SLC8A1: variants seen among roughly 807,000 people sequenced by gnomAD.
SLC8A1 encodes sodium/calcium exchanger 1.
A neutral mutation model predicts 68.3 loss-of-function variants in SLC8A1; 18 were observed. The observed-to-expected ratio is 0.26, with a 90% CI of 0.18 to 0.39. SLC8A1 has a LOEUF of 0.39. Ranked by LOEUF, SLC8A1 falls within the 10% of genes least tolerant of loss-of-function variation. The probability of loss-of-function intolerance (pLI) is 1.00; values close to 1 mark genes in which losing one functional copy is unlikely to be tolerated. For missense variants in SLC8A1, 985 were observed against 1,156.7 expected, an observed-to-expected ratio of 0.85 and a Z score of 2.15; for synonymous variants, 475 against 415.5, an observed-to-expected ratio of 1.14 and a Z score of -1.74.
intron 2 of SLC8A1, among the ~76,000 whole-genome samples, chr2:40,192,594 T>C (rs2052092199): frequency 6.6e-6 from 1 of 152,156 alleles, no homozygotes; most frequent in African/African-American, 2.4e-5. Flanking sequence ...GGTGGGTCTA[T>C]GTATAATGAA....
At chr2:40,349,780 CT>C (rs1445543154) in intron 2 of SLC8A1, among the ~76,000 whole-genome samples, 1 of 152,036 alleles carries the variant, frequency 6.6e-6, no homozygotes, top group African/African-American at 2.4e-5. Context: ...AAATATCATC[CT>C]TTTAATATTA....
chr2:40,231,853 G>C (rs1035671688), intron 2 of SLC8A1, among the ~76,000 whole-genome samples: 3 of 152,076 alleles, frequency 2.0e-5, no homozygotes, highest in Non-Finnish European at 4.4e-5. Context: ...ATTCTCATTT[G>C]AATCAATCTA....
At chr2:40,223,364 CA>C (rs1471431489) in intron 2 of SLC8A1, among the ~76,000 whole-genome samples, 1 of 151,922 alleles carries the variant, frequency 6.6e-6, no homozygotes, top group Admixed American at 6.6e-5. Context: ...CAGGGCCTGT[CA>C]GGGGGTGGGG....
At chr2:40,365,407 T>C (rs997450509) in intron 2 of SLC8A1, among the ~76,000 whole-genome samples, 2 of 152,124 alleles carry the variant, frequency 1.3e-5, no homozygotes, top group African/African-American at 2.4e-5. Flanking sequence ...GATTTATGTG[T>C]TTACAATTAT....
At chr2:40,489,778 T>C (rs1705199641) in intron 1 of SLC8A1, among the ~76,000 whole-genome samples, 1 of 151,890 alleles carries the variant, frequency 6.6e-6, no homozygotes, top group African/African-American at 2.4e-5. Flanking sequence ...CCACATTCCC[T>C]GGGGTTAGTC....
chr2:40,412,611 T>TAAA (rs1256216961), intron 2 of SLC8A1, among the ~76,000 whole-genome samples: 2 of 152,184 alleles, frequency 1.3e-5, no homozygotes. Flanking sequence ...GAGGCACTAC[T>TAAA]GACTGTATAG....
chr2:40,429,150 G>A (rs764608974), exon 2 of SLC8A1: 4 of 1,613,052 alleles, frequency 2.5e-6, no homozygotes, highest in South Asian at 2.2e-5. Context: ...TCTTTAAAAT[G>A]TTGCCAGCTC....
In SLC8A1 at chr2:40,277,722, A is replaced by G. The variant is rs1224849315; in HGVS notation, c.1809-99867T>C. On this transcript the variant is annotated intron_variant, in intron 2 of 7. Transcript: ENST00000406785. ...ATAATACTTATCATTTGACTACATA[A>G]ATAAACCAAAAACTAGGAACAAAAG... 1.6e-4 allele frequency among the ~76,000 whole-genome samples: 24 copies of G among 149,572 alleles called. No homozygotes were observed. In the Admixed American group the frequency reaches 1.6e-3, roughly 10 times the overall value.
At chr2:40,363,170 A>C (rs530048570) in intron 2 of SLC8A1, among the ~76,000 whole-genome samples, 137 of 152,244 alleles carry the variant, frequency 9.0e-4, no homozygotes, top group African/African-American at 3.2e-3. Flanking sequence ...TGAGTCTTAT[A>C]ATCATTTTTC....
intron 2 of SLC8A1, among the ~76,000 whole-genome samples, chr2:40,227,176 G>A (rs2059088051): frequency 6.6e-6 from 1 of 152,112 alleles, no homozygotes; most frequent in African/African-American, 2.4e-5. Flanking sequence ...CAACATTTAA[G>A]TTTGTACTTC....
chr2:40,441,568 AT>A (rs140362633), intron 1 of SLC8A1, among the ~76,000 whole-genome samples: 7,423 of 152,134 alleles, frequency 0.049, 345 homozygotes, highest in East Asian at 0.25. Context: ...CAAAACAGAC[AT>A]TATAGACCAA....
intron 2 of SLC8A1, among the ~76,000 whole-genome samples, chr2:40,324,691 CCTGT>C (rs1166941521): frequency 6.6e-6 from 1 of 152,028 alleles, no homozygotes; most frequent in African/African-American, 2.4e-5. Flanking sequence ...TTCTTCCCTC[CCTGT>C]CTTTCTCTCT....
At chr2:40,110,054 A>ACAGCC (rs1429619334) in exon 8 of SLC8A1, 2 of 152,204 alleles carry the variant, frequency 1.3e-5, no homozygotes, top group Non-Finnish European at 2.9e-5. Flanking sequence ...GAAAATGTGG[A>ACAGCC]CAGCCTCTGA....
chr2:40,397,136 G>T (rs933486656), intron 2 of SLC8A1, among the ~76,000 whole-genome samples: 1 of 152,184 alleles, frequency 6.6e-6, no homozygotes, highest in Non-Finnish European at 1.5e-5. Flanking sequence ...AATGAGAACA[G>T]ATACACAGTG....
rs112265804 is a variant in SLC8A1 at position 40,165,331 on chromosome 2, T to C, written c.1931-347A>G. ...TCCCTGTGACGCTGGCTCAGTTGGCTGTTTGTACACATTCTTTCAGCACGT... is the reference window on the plus strand; with the variant it reads ...TCCCTGTGACGCTGGCTCAGTTGGCCGTTTGTACACATTCTTTCAGCACGT... On this transcript the variant is annotated intron_variant, in intron 4 of 7. Coordinates refer to ENST00000406785, the Ensembl canonical transcript of SLC8A1. Among the ~76,000 whole-genome samples, 171 of 152,312 alleles carry C rather than the reference T, an allele frequency of 1.1e-3. 1 individual carries two copies. Among genetic ancestry groups the C allele is most frequent in the Admixed American group, 7.8e-3 (119 of 15,300 alleles).
At chr2:40,313,574 AT>A (rs200941130) in intron 2 of SLC8A1, among the ~76,000 whole-genome samples, 55 of 150,942 alleles carry the variant, frequency 3.6e-4, no homozygotes, top group African/African-American at 8.0e-4. Context: ...GGTGTGGTCA[AT>A]TTTTTTTTAA....
At chr2:40,361,887 C>CTT (rs1172909749) in intron 2 of SLC8A1, among the ~76,000 whole-genome samples, 2,087 of 53,202 alleles carry the variant, frequency 0.039, 519 homozygotes, top group East Asian at 0.056. Flanking sequence ...CTTTTCTTTC[C>CTT]TTTTTTTTTT....
intron 2 of SLC8A1, among the ~76,000 whole-genome samples, chr2:40,226,927 A>G (rs1429588321): frequency 2.0e-5 from 3 of 152,184 alleles, no homozygotes; most frequent in Non-Finnish European, 4.4e-5. Flanking sequence ...ATACTGTTCT[A>G]TGTTAAAATA....
chr2:40,488,680 T>G (rs1705123888), intron 1 of SLC8A1, among the ~76,000 whole-genome samples: 1 of 152,174 alleles, frequency 6.6e-6, no homozygotes, highest in Non-Finnish European at 1.5e-5. Flanking sequence ...TCTTCCCACC[T>G]GAAATCGTCT....
Sources: gnomAD v4.1 joint callset for allele counts (sites outside exome capture counted in the v4.1 genomes callset) on GRCh38, gnomAD v4.1.1 for gene constraint, MANE v1.5 for transcripts, NCBI Gene and HGNC (gene_info 2026-07-23, HGNC 2026-07-21) for gene names.